The following XYLT1 variants were observed in gnomAD, a reference collection of about 807,000 sequenced individuals.
XYLT1 encodes xylosyltransferase 1.
Under a neutral mutation model 91.3 loss-of-function variants are expected in XYLT1, and 36 were observed. The ratio of observed to expected loss-of-function variants is 0.39; its 90% CI spans 0.30 to 0.52. The LOEUF is 0.52. XYLT1 is among the 20% of genes least tolerant of loss of function. XYLT1 has a pLI of 0.68. For missense variants in XYLT1, 1,242 were observed against 1,284.5 expected, an observed-to-expected ratio of 0.97 and a Z score of 0.51; for synonymous variants, 588 against 532.0, an observed-to-expected ratio of 1.11 and a Z score of -1.45.
chr16:17,341,978 C>T (rs890218952), intron 2 of XYLT1, among the ~76,000 whole-genome samples: 2 of 152,176 alleles, frequency 1.3e-5, no homozygotes, highest in Non-Finnish European at 2.9e-5. Flanking sequence ...TGCCCTTGAC[C>T]CATTACAGTA....
chr16:17,324,083 T>A (rs533832935), intron 2 of XYLT1, among the ~76,000 whole-genome samples: 42 of 152,280 alleles, frequency 2.8e-4, no homozygotes, highest in African/African-American at 9.9e-4. Context: ...TCAGGTCCCA[T>A]GCACACATGC....
At chr16:17,413,517 C>T (rs1453283824) in intron 1 of XYLT1, among the ~76,000 whole-genome samples, 2 of 151,458 alleles carry the variant, frequency 1.3e-5, no homozygotes, top group Non-Finnish European at 2.9e-5. Flanking sequence ...GCAATCTCAG[C>T]TCACTGCAGC....
intron 3 of XYLT1, among the ~76,000 whole-genome samples, chr16:17,207,706 G>A (rs2141596094): frequency 6.6e-6 from 1 of 152,266 alleles, no homozygotes; most frequent in African/African-American, 2.4e-5. Flanking sequence ...AGCCCTGCTG[G>A]GAGGAATCAG....
chr16:17,296,608 G>T (rs904981119), intron 2 of XYLT1, among the ~76,000 whole-genome samples: 2 of 152,208 alleles, frequency 1.3e-5, no homozygotes, highest in Non-Finnish European at 2.9e-5. Context: ...GCCAGCAGGG[G>T]TGTCTGGGCT....
intron 5 of XYLT1, among the ~76,000 whole-genome samples, chr16:17,197,014 A>AATATGTAT (rs2032439427): frequency 1.8e-5 from 2 of 110,508 alleles, no homozygotes; most frequent in African/African-American, 9.0e-5. Flanking sequence ...CTGTCTCCAA[A>AATATGTAT]ATATATATAT....
chr16:17,136,718 T>G (rs1280358670), intron 8 of XYLT1, among the ~76,000 whole-genome samples: 2 of 152,068 alleles, frequency 1.3e-5, no homozygotes, highest in Non-Finnish European at 2.9e-5. Flanking sequence ...CTCTCCAAGT[T>G]CTTCGCGCAA....
intron 1 of XYLT1, among the ~76,000 whole-genome samples, chr16:17,360,088 G>A (rs2035361123): frequency 1.3e-5 from 2 of 152,146 alleles, no homozygotes; most frequent in Non-Finnish European, 2.9e-5. Flanking sequence ...CCTCGATTTT[G>A]ATTATAAGAT....
chr16:17,263,613 T>C (rs951372746), intron 2 of XYLT1, among the ~76,000 whole-genome samples: 1 of 152,030 alleles, frequency 6.6e-6, no homozygotes, highest in African/African-American at 2.4e-5. Context: ...TCAGCGAGAA[T>C]TGGAGGCCTG....
intron 6 of XYLT1, among the ~76,000 whole-genome samples, chr16:17,145,368 T>A (rs1426365979): frequency 6.6e-6 from 1 of 152,206 alleles, no homozygotes; most frequent in Non-Finnish European, 1.5e-5. Context: ...ATCCCATCTG[T>A]CTGGCCTCCA....
intron 2 of XYLT1, among the ~76,000 whole-genome samples, chr16:17,263,096 C>G (rs1283409000): frequency 2.0e-5 from 3 of 152,144 alleles, no homozygotes; most frequent in Non-Finnish European, 4.4e-5. Flanking sequence ...TTCGTTTTCT[C>G]TCTTCAGACA....
chr16:17,402,258 T>C (rs1166144183), intron 1 of XYLT1, among the ~76,000 whole-genome samples: 1 of 151,778 alleles, frequency 6.6e-6, no homozygotes, highest in African/African-American at 2.4e-5. Flanking sequence ...AGGTCAAGGC[T>C]GCAGTGAGCC....
intron 2 of XYLT1, among the ~76,000 whole-genome samples, chr16:17,287,045 G>A (rs2034151349): frequency 6.6e-6 from 1 of 152,118 alleles, no homozygotes; most frequent in South Asian, 2.1e-4. Context: ...GCAGCCCTGA[G>A]TCTACAGTAT....
chr16:17,137,959 G>T (rs181108079), intron 8 of XYLT1, among the ~76,000 whole-genome samples: 2 of 152,266 alleles, frequency 1.3e-5, no homozygotes, highest in Non-Finnish European at 2.9e-5. Context: ...CTCAGCCCTA[G>T]ATATATACTT....
intron 1 of XYLT1, among the ~76,000 whole-genome samples, chr16:17,465,005 G>A (rs1043874098): frequency 5.3e-5 from 8 of 151,698 alleles, no homozygotes; most frequent in East Asian, 3.9e-4. Context: ...TTAGCCAGGC[G>A]TGGTGGTGCA....
At chr16:17,308,248 C>A (rs1186991265) in intron 2 of XYLT1, among the ~76,000 whole-genome samples, 1 of 152,196 alleles carries the variant, frequency 6.6e-6, no homozygotes, top group African/African-American at 2.4e-5. Flanking sequence ...GACCAGGAGA[C>A]CTGAGCTCCA....
chr16:17,392,040 A>G (rs1439212655), intron 1 of XYLT1, among the ~76,000 whole-genome samples: 2 of 152,242 alleles, frequency 1.3e-5, no homozygotes, highest in African/African-American at 4.8e-5. Flanking sequence ...TCGCAGCATG[A>G]GAAATGACTA....
At chr16:17,111,050 C>A (rs1966839842) in intron 11 of XYLT1, among the ~76,000 whole-genome samples, 1 of 152,090 alleles carries the variant, frequency 6.6e-6, no homozygotes, top group Admixed American at 6.5e-5. Context: ...ATCCCAGGTA[C>A]TCGGGAGGGT....
At chr16:17,147,325 T>A (rs2125191) in intron 6 of XYLT1, among the ~76,000 whole-genome samples, 113 of 152,182 alleles carry the variant, frequency 7.4e-4, no homozygotes, top group African/African-American at 2.6e-3. Context: ...GTATTCAAAC[T>A]TACATGGTTA....
intron 3 of XYLT1, among the ~76,000 whole-genome samples, chr16:17,222,993 C>G (rs1378150067): frequency 1.3e-5 from 2 of 150,982 alleles, no homozygotes; most frequent in Non-Finnish European, 2.9e-5. Context: ...CACAGAGACA[C>G]CCCTCAAATG....
Sources: gnomAD v4.1 joint callset for allele counts (sites outside exome capture counted in the v4.1 genomes callset) on GRCh38, gnomAD v4.1.1 for gene constraint, MANE v1.5 for transcripts, NCBI Gene and HGNC (gene_info 2026-07-23, HGNC 2026-07-21) for gene names.